The following LRP1B variants were observed in gnomAD, a reference collection of about 807,000 sequenced individuals.
LRP1B encodes LDL receptor related protein 1B.
Under a neutral mutation model 556.6 loss-of-function variants are expected in LRP1B, and 217 were observed. The ratio of observed to expected loss-of-function variants is 0.39; its 90% CI spans 0.35 to 0.44. The LOEUF is 0.44. LRP1B is among the 20% of genes least tolerant of loss of function. The pLI, the probability that LRP1B is intolerant of heterozygous loss-of-function variation, is 1.00. For missense variants in LRP1B, 5,053 were observed against 5,620.8 expected (o/e 0.90, Z 3.23); for synonymous variants, 2,047 against 1,865.8 (o/e 1.10, Z -2.50).
At chr2:140,799,735 A>T (rs1690439049) in intron 32 of LRP1B, among the ~76,000 whole-genome samples, 1 of 152,174 alleles carries the variant, frequency 6.6e-6, no homozygotes. Flanking sequence ...CAGGCTTTCA[A>T]ATCTAAACAT....
intron 29 of LRP1B, among the ~76,000 whole-genome samples, chr2:140,848,144 C>T (rs1484297969): frequency 1.3e-5 from 2 of 152,148 alleles, no homozygotes; most frequent in East Asian, 3.9e-4. Flanking sequence ...GGAAGACCAC[C>T]TAACTGATTG....
chr2:140,274,304 T>G, intron 85 of LRP1B, 120 bp downstream of exon 85: 1 of 836,204 alleles, frequency 1.2e-6, no homozygotes, highest in Non-Finnish European at 1.9e-6. Context: ...AAAACTGCAA[T>G]GGGCACAATA....
intron 2 of LRP1B, among the ~76,000 whole-genome samples, chr2:141,485,821 A>T (rs1044672480): frequency 2.0e-5 from 3 of 152,106 alleles, no homozygotes; most frequent in Non-Finnish European, 4.4e-5. Context: ...AAATTAAATG[A>T]TTAATCTCAT....
chr2:141,984,437 G>A (rs1282819223), intron 1 of LRP1B, among the ~76,000 whole-genome samples: 1 of 152,056 alleles, frequency 6.6e-6, no homozygotes, highest in Non-Finnish European at 1.5e-5. Flanking sequence ...AGATAGAAAG[G>A]TGAATTATAC....
chr2:140,688,005 G>T (rs2105392165), intron 41 of LRP1B, among the ~76,000 whole-genome samples: 1 of 152,136 alleles, frequency 6.6e-6, no homozygotes, highest in African/African-American at 2.4e-5. Context: ...CACAAGGAAA[G>T]TTATAATATG....
At chr2:140,289,527 C>A (rs914731527) in intron 84 of LRP1B, among the ~76,000 whole-genome samples, 1 of 151,820 alleles carries the variant, frequency 6.6e-6, no homozygotes, top group African/African-American at 2.4e-5. Flanking sequence ...CTTGGAAAAA[C>A]ATACATTGGT....
chr2:140,908,320 G>GCTCT (rs199947973), intron 21 of LRP1B, among the ~76,000 whole-genome samples: 30 of 138,438 alleles, frequency 2.2e-4, no homozygotes, highest in African/African-American at 6.9e-4. Flanking sequence ...TCATTGCTCT[G>GCTCT]CTCTCTCTCT....
chr2:140,912,264 T>C (rs1350141080), intron 21 of LRP1B, among the ~76,000 whole-genome samples: 2 of 151,744 alleles, frequency 1.3e-5, no homozygotes, highest in African/African-American at 4.8e-5. Flanking sequence ...TTTAAACATA[T>C]TGATTTTTAC....
At chr2:140,747,952 C>T (rs768193780) in intron 35 of LRP1B, among the ~76,000 whole-genome samples, 5 of 150,934 alleles carry the variant, frequency 3.3e-5, no homozygotes, top group Admixed American at 6.6e-5. Flanking sequence ...GGACGTAGGG[C>T]GGGTTTATTG....
At chr2:141,180,901 C>T (rs764959810) in intron 7 of LRP1B, among the ~76,000 whole-genome samples, 14 of 151,834 alleles carry the variant, frequency 9.2e-5, no homozygotes, top group Non-Finnish European at 1.6e-4. Context: ...CCCTTCACTG[C>T]CTGGGAAGAA....
At chr2:141,053,824 A>ATG (rs1699105146) in intron 10 of LRP1B, among the ~76,000 whole-genome samples, 2 of 62,000 alleles carry the variant, frequency 3.2e-5, no homozygotes, top group Non-Finnish European at 7.3e-5. Flanking sequence ...GCATGTGTGT[A>ATG]TATATGTGTG....
intron 6 of LRP1B, among the ~76,000 whole-genome samples, chr2:141,204,459 C>A (rs1370032580): frequency 6.6e-6 from 1 of 152,118 alleles, no homozygotes; most frequent in African/African-American, 2.4e-5. Context: ...ACCTCAGATA[C>A]TTCACTTCCA....
At chr2:141,502,244 CAA>C (rs992298607) in intron 2 of LRP1B, among the ~76,000 whole-genome samples, 2 of 152,016 alleles carry the variant, frequency 1.3e-5, no homozygotes, top group African/African-American at 4.8e-5. Context: ...AATGTGGGGA[CAA>C]GAGAATATTT....
At chr2:140,499,526 G>T (rs1689091885) in intron 55 of LRP1B, among the ~76,000 whole-genome samples, 1 of 151,798 alleles carries the variant, frequency 6.6e-6, no homozygotes, top group South Asian at 2.1e-4. Flanking sequence ...ATTTGTCATT[G>T]TGTGAACATC....
chr2:141,471,596 GA>G (rs1218616608), intron 3 of LRP1B, among the ~76,000 whole-genome samples: 1 of 152,136 alleles, frequency 6.6e-6, no homozygotes, highest in African/African-American at 2.4e-5. Context: ...GCTCACTTGG[GA>G]TATCTTCTTG....
At chr2:140,918,162 A>G (rs1017507056) in intron 21 of LRP1B, among the ~76,000 whole-genome samples, 2 of 150,312 alleles carry the variant, frequency 1.3e-5, no homozygotes, top group African/African-American at 4.9e-5. Flanking sequence ...ATTTTTAAAA[A>G]TCATTCTGCT....
intron 23 of LRP1B, among the ~76,000 whole-genome samples, chr2:140,887,803 C>CA (rs1471427558): frequency 2.0e-5 from 3 of 152,086 alleles, no homozygotes; most frequent in Non-Finnish European, 4.4e-5. Context: ...TCATAAAACA[C>CA]ATATTGCATG....
At chr2:142,024,148 TGAA>T (rs1375081116) in intron 1 of LRP1B, among the ~76,000 whole-genome samples, 1 of 152,216 alleles carries the variant, frequency 6.6e-6, no homozygotes, top group Non-Finnish European at 1.5e-5. Flanking sequence ...GGCAGCTGTA[TGAA>T]GAGCTTGGGT....
At chr2:141,662,889 C>T (rs375346241) in intron 2 of LRP1B, among the ~76,000 whole-genome samples, 32 of 151,944 alleles carry the variant, frequency 2.1e-4, no homozygotes, top group East Asian at 9.7e-4. Context: ...TTCTTGGTGC[C>T]GCATGACACT....
Sources: allele counts gnomAD v4.1 joint callset (sites outside exome capture counted in the v4.1 genomes callset), GRCh38; gene constraint gnomAD v4.1.1; transcripts MANE v1.5; gene names NCBI Gene and HGNC (gene_info 2026-07-23, HGNC 2026-07-21).